DMRT3: variants seen among roughly 807,000 people sequenced by gnomAD.
DMRT3 encodes the protein doublesex- and mab-3-related transcription factor 3.
Under a neutral mutation model 34.9 loss-of-function variants are expected in DMRT3, and 29 were observed. The observed-to-expected ratio is 0.83, with a 90% confidence interval of 0.62 to 1.13. The LOEUF (loss-of-function observed/expected upper bound fraction) is 1.13. Among genes scored for constraint, DMRT3 ranks in the 50% most tolerant of loss-of-function variants. The probability of loss-of-function intolerance (pLI) is 0.00; values close to 1 mark genes in which losing one functional copy is unlikely to be tolerated. For missense variants in DMRT3, 772 were observed against 629.1 expected (o/e 1.23, Z -2.43); for synonymous variants, 350 against 286.0 (o/e 1.22, Z -2.26).
intron 1 of DMRT3, among the ~76,000 whole-genome samples, chr9:983,072 G>T (rs1185244970): frequency 1.3e-5 from 2 of 152,186 alleles, no homozygotes; most frequent in Non-Finnish European, 1.5e-5. Context: ...CCTCTTGCCT[G>T]AGCAATGCAT....
rs753155781 is a variant in DMRT3 at position 990,407 on chromosome 9, G to C, written c.821G>C (p.Cys274Ser). The part of the protein sequence containing the change: ...PTVLELILKG[C>S]GGDLVSAVEV... Reference sequence around the variant, plus strand: ...GTGCTTGAGCTCATCCTCAAGGGCTGTGGCGGGGACCTGGTGAGCGCCGTG... The same window carrying C: ...GTGCTTGAGCTCATCCTCAAGGGCTCTGGCGGGGACCTGGTGAGCGCCGTG... Residue 274 changes from cysteine to serine, a missense_variant, in exon 2 of 2, where the codon TGT (cysteine) becomes TCT (serine). Coordinates refer to ENST00000190165, the MANE Select transcript of DMRT3 (RefSeq NM_021240.4). 6.2e-7 allele frequency: 1 copy of C among 1,614,110 alleles called. No individual in the cohort carries two copies. Among genetic ancestry groups the C allele is most frequent in the Admixed American group, 1.7e-5 (1 of 60,028 alleles).
In DMRT3 at chr9:991,215, G is replaced by C; in HGVS notation, c.*210G>C. ...CAAATAGCTCTGTTCTGTGGCTTTA[G>C]TGCTGAATGTTTATTGTAAAAGAGA... On this transcript the variant is annotated 3_prime_UTR_variant, in exon 2 of 2. Transcript: ENST00000190165. 2 of 554,950 alleles carry C rather than the reference G, an allele frequency of 3.6e-6. No individual in the cohort carries two copies. Among genetic ancestry groups the C allele is most frequent in the South Asian group, 5.8e-5 (2 of 34,622 alleles). 34.4% of individuals were successfully genotyped at this position (554,950 alleles called of 1,614,324 possible). A position where few individuals can be genotyped will look rare whatever the true frequency, so the allele number is the denominator to read the frequency against.
chr9:983,747 C>T (rs76289977), intron 1 of DMRT3, among the ~76,000 whole-genome samples: 1 of 152,046 alleles, frequency 6.6e-6, no homozygotes, highest in South Asian at 2.1e-4. Context: ...TAATTTTTTA[C>T]AAAATATGTG....
intron 1 of DMRT3, 30 bp from the exon 2 acceptor site, chr9:990,011 A>G: frequency 1.2e-6 from 2 of 1,609,654 alleles, no homozygotes; most frequent in Non-Finnish European, 1.7e-6. Context: ...CACACCAGGA[A>G]AAGATTAACT....
rs1334867316 is a variant in DMRT3 at position 976,773 on chromosome 9, C to T, written c.-229C>T. Among the ~76,000 whole-genome samples, 1 of 152,144 alleles carries T rather than the reference C, an allele frequency of 6.6e-6. No homozygotes were observed. The highest frequency in any genetic ancestry group is 1.5e-5 in the Non-Finnish European group (1 of 68,008). On this transcript the variant is annotated 5_prime_UTR_variant, in exon 1 of 2. Transcript: ENST00000190165. The surrounding 1 kb of genome is among the most constrained non-coding windows in gnomAD (Gnocchi z 4.5). ...GCGCGCCCAAGGCAGAGGCCCGCGT[C>T]GGCGTTGGCTGGGCGTGAGCTGGGA... is the stretch of plus-strand genomic sequence containing the variant.
chr9:988,733 T>G (rs1490282334), intron 1 of DMRT3, among the ~76,000 whole-genome samples: 1 of 152,110 alleles, frequency 6.6e-6, no homozygotes, highest in Non-Finnish European at 1.5e-5. Context: ...ATGAAGCTAT[T>G]CAGGCAGGGC....
Position 977,238 on chromosome 9 carries a change from C to A in DMRT3, c.237C>A (p.Ala79=). The change falls in exon 1 of 2, where the codon GCC becomes GCA. Residue 79 remains alanine, a synonymous_variant. Coordinates refer to ENST00000190165, the MANE Select transcript of DMRT3 (RefSeq NM_021240.4). The stretch of plus-strand genomic sequence containing the variant: ...AGGTGGCGCTGCGCCGGCAGCAGGC[C>A]AACGAGAGCTTGGAGAGCCTCATCC... ...AAQVALRRQQ[A]NESLESLIPD... 1 of 1,598,856 alleles carries A rather than the reference C, an allele frequency of 6.3e-7. No homozygotes were observed. Among genetic ancestry groups the A allele is most frequent in the African/African-American group, 1.4e-5 (1 of 73,816 alleles).
chr9:982,365 G>C (rs1476293334), intron 1 of DMRT3, among the ~76,000 whole-genome samples: 1 of 152,242 alleles, frequency 6.6e-6, no homozygotes, highest in Non-Finnish European at 1.5e-5. Context: ...ATCTGGGAAA[G>C]AACCTCTCTC....
chr9:983,305 T>C (rs1820243880), intron 1 of DMRT3, among the ~76,000 whole-genome samples: 1 of 152,216 alleles, frequency 6.6e-6, no homozygotes, highest in South Asian at 2.1e-4. Context: ...TTCCACGTTT[T>C]TCCCACTGAT....
chr9:978,638 C>T (rs947605764), intron 1 of DMRT3, among the ~76,000 whole-genome samples: 1 of 152,168 alleles, frequency 6.6e-6, no homozygotes, highest in Non-Finnish European at 1.5e-5. Context: ...GGAAGTGAGG[C>T]GGACTCACCT....
chr9:978,740 C>G (rs961357863), intron 1 of DMRT3, among the ~76,000 whole-genome samples: 5 of 152,182 alleles, frequency 3.3e-5, no homozygotes, highest in African/African-American at 1.2e-4. Flanking sequence ...CTGAGAACAG[C>G]CTGTGTGACA....
intron 1 of DMRT3, among the ~76,000 whole-genome samples, chr9:983,947 C>G (rs1820252102): frequency 6.6e-6 from 1 of 150,594 alleles, no homozygotes; most frequent in Non-Finnish European, 1.5e-5. Flanking sequence ...CCCTCCCCAA[C>G]CCGGCAATCC....
At chr9:989,992 C>T (rs1236771464) in intron 1 of DMRT3, 49 bp from the exon 2 acceptor site, 2 of 1,597,226 alleles carry the variant, frequency 1.3e-6, no homozygotes, top group African/African-American at 2.7e-5. Context: ...ACATCTGCTC[C>T]TCTTTATGCA....
At chr9:987,939 A>C (rs932181390) in intron 1 of DMRT3, among the ~76,000 whole-genome samples, 1 of 152,212 alleles carries the variant, frequency 6.6e-6, no homozygotes, top group African/African-American at 2.4e-5. Context: ...AGTAACAGCC[A>C]AGAAGTATGT....
At chr9:988,005 A>G (rs1820306368) in intron 1 of DMRT3, among the ~76,000 whole-genome samples, 1 of 152,252 alleles carries the variant, frequency 6.6e-6, no homozygotes, top group Admixed American at 6.5e-5. Flanking sequence ...AAGTAAATCT[A>G]TAGAAGCCTT....
chr9:990,635 T>C lies in DMRT3; in HGVS notation c.1049T>C (p.Val350Ala). Residue 350 changes from valine (V) to alanine (A), a missense_variant, in exon 2 of 2, where the codon GTC becomes GCC. Physicochemically the swap from Val to Ala is moderately conservative, Grantham distance 64 (BLOSUM62 0). Transcript: ENST00000190165. ...LRFSADSSNV[V>A]PSPLAGPLQP... ...TTTTCTGCCGACTCTAGCAACGTTG[T>C]CCCCAGTCCCTTGGCTGGGCCTCTG... 1.2e-6 allele frequency: 2 copies of C among 1,614,126 alleles called. No homozygotes were observed. The highest frequency in any genetic ancestry group is 1.7e-6 in the Non-Finnish European group (2 of 1,179,998).
Position 990,391 on chromosome 9 carries a change from C to G in DMRT3, c.805C>G (p.Leu269Val). ...FPNQKPTVLE[L>V]ILKGCGGDLV... Reference sequence around the variant, plus strand: ...CAACCAGAAGCCAACGGTGCTTGAGCTCATCCTCAAGGGCTGTGGCGGGGA... The same window carrying G: ...CAACCAGAAGCCAACGGTGCTTGAGGTCATCCTCAAGGGCTGTGGCGGGGA... The change falls in exon 2 of 2, where the codon CTC becomes GTC. Residue 269 changes from leucine to valine, a missense_variant. Transcript: ENST00000190165. 1.2e-6 allele frequency: 2 copies of G among 1,614,092 alleles called. No individual in the cohort carries two copies. Among genetic ancestry groups the G allele is most frequent in the Non-Finnish European group, 1.7e-6 (2 of 1,180,046 alleles).
intron 1 of DMRT3, among the ~76,000 whole-genome samples, chr9:986,509 T>C (rs1820286404): frequency 6.6e-6 from 1 of 152,176 alleles, no homozygotes; most frequent in Non-Finnish European, 1.5e-5. Context: ...CTTCCTAATA[T>C]GTTTTCAGTG....
intron 1 of DMRT3, among the ~76,000 whole-genome samples, chr9:986,736 C>G (rs919378762): frequency 6.6e-6 from 1 of 151,786 alleles, no homozygotes; most frequent in Admixed American, 6.6e-5. Flanking sequence ...ACTACAAATA[C>G]AAAAATTAGC....
Sources: allele counts gnomAD v4.1 joint callset (sites outside exome capture counted in the v4.1 genomes callset), GRCh38; gene constraint gnomAD v4.1.1; non-coding constraint Gnocchi (gnomAD v3.1); transcripts MANE v1.5; gene names NCBI Gene and HGNC (gene_info 2026-07-23, HGNC 2026-07-21).